The following PHACTR2 variants were observed in gnomAD, a reference collection of about 807,000 sequenced individuals.
PHACTR2 encodes phosphatase and actin regulator 2.
In PHACTR2, 30 loss-of-function variants were observed where a neutral mutation model predicts 76.0. The ratio of observed to expected loss-of-function variants is 0.39; its 90% confidence interval spans 0.30 to 0.54. The LOEUF is 0.54. Among genes scored for constraint, PHACTR2 ranks in the 20% least tolerant of loss-of-function variants. The probability of loss-of-function intolerance (pLI) is 0.61; values close to 1 mark genes in which losing one functional copy is unlikely to be tolerated. For missense variants in PHACTR2, 696 were observed against 781.1 expected (o/e 0.89, Z 1.30); for synonymous variants, 292 against 292.5 (o/e 1.00, Z 0.02).
At chr6:143,705,421 A>G (rs1272575290) in intron 1 of PHACTR2, among the ~76,000 whole-genome samples, 1 of 151,112 alleles carries the variant, frequency 6.6e-6, no homozygotes, top group Non-Finnish European at 1.5e-5. Context: ...CAGCCTCCCG[A>G]GTAGCTGGGA....
At chr6:143,631,828 A>G (rs886354290) in intron 1 of PHACTR2, among the ~76,000 whole-genome samples, 10 of 152,198 alleles carry the variant, frequency 6.6e-5, no homozygotes, top group Non-Finnish European at 1.5e-4. Flanking sequence ...CAAGCAGAGT[A>G]GAAAGAGACA....
rs1393868097 is a variant in PHACTR2, at chr6:143,771,216, A to G, written c.1233-1042A>G. ...TGTGTATATATATATATATATATAT[A>G]TATATATATATATATATATGCTTTT... On this transcript the variant is annotated intron_variant, in intron 6 of 12. Transcript: ENST00000440869. 1.8e-4 allele frequency among the ~76,000 whole-genome samples: 18 copies of G among 97,830 alleles called. 1 individual carries two copies. Among genetic ancestry groups the G allele is most frequent in the African/African-American group, 7.4e-4 (15 of 20,212 alleles). The allele number at this position is 97,830 out of a possible 152,430, so 64.2% of individuals were successfully genotyped here. A position where few individuals can be genotyped will look rare whatever the true frequency, so the allele number is the denominator to read the frequency against.
chr6:143,706,996 C>T (rs1349750472), intron 1 of PHACTR2, among the ~76,000 whole-genome samples: 4 of 152,150 alleles, frequency 2.6e-5, no homozygotes, highest in Admixed American at 6.5e-5. Context: ...AGAAAGAGAC[C>T]TCATGTAAAT....
At chr6:143,719,601 CG>C (rs1486007363) in intron 2 of PHACTR2, among the ~76,000 whole-genome samples, 1 of 149,128 alleles carries the variant, frequency 6.7e-6, no homozygotes, top group African/African-American at 2.5e-5. Context: ...CCACCTGCCT[CG>C]GCCTCCTAAA....
At chr6:143,762,543 A>G (rs896160118) in intron 5 of PHACTR2, among the ~76,000 whole-genome samples, 7 of 152,226 alleles carry the variant, frequency 4.6e-5, no homozygotes, top group Non-Finnish European at 8.8e-5. Context: ...TCAAATATTG[A>G]TAATATCCCT....
At chr6:143,612,320 T>C (rs1260598656) in intron 1 of PHACTR2, among the ~76,000 whole-genome samples, 3 of 152,206 alleles carry the variant, frequency 2.0e-5, no homozygotes, top group Non-Finnish European at 4.4e-5. Flanking sequence ...CGAAGACATT[T>C]CATTTCAAGC....
At chr6:143,724,454 A>C (rs1562283316) in intron 2 of PHACTR2, among the ~76,000 whole-genome samples, 1 of 152,038 alleles carries the variant, frequency 6.6e-6, no homozygotes, top group Non-Finnish European at 1.5e-5. Context: ...TTTTTTCTAG[A>C]AAACATTCAC....
chr6:143,564,388 C>A (rs1233267755), intron 1 of PHACTR2, among the ~76,000 whole-genome samples: 4 of 151,190 alleles, frequency 2.6e-5, no homozygotes, highest in Non-Finnish European at 5.9e-5. Flanking sequence ...ATAATAATGC[C>A]CAAGAGTAAA....
intron 1 of PHACTR2, among the ~76,000 whole-genome samples, chr6:143,632,597 C>A (rs530283563): frequency 6.6e-6 from 1 of 152,200 alleles, no homozygotes; most frequent in Non-Finnish European, 1.5e-5. Context: ...ATTGACTCAT[C>A]ATTATCACCT....
rs572179744 is a variant in PHACTR2 at position 143,541,706 on chromosome 6, G to T, written c.217+4499G>T. ...GTGCTGAGTGGAAGTGAGAAATCTC[G>T]CATACCTCAATGTACTATCAGTTCA... On this transcript the variant is annotated intron_variant, in intron 1 of 11. Transcript: ENST00000367584. This position sits in a 1 kb window ranked among gnomAD's most constrained non-coding sequence, Gnocchi z 5.3. Among the ~76,000 whole-genome samples, 1 of 152,202 alleles carries T rather than the reference G, an allele frequency of 6.6e-6. No individual in the cohort carries two copies. The highest frequency in any genetic ancestry group is 1.9e-4 in the East Asian group (1 of 5,172).
chr6:143,578,220 T>C lies in PHACTR2; in HGVS notation c.217+41013T>C, dbSNP rs2128432680. 6.6e-6 allele frequency among the ~76,000 whole-genome samples: 1 copy of C among 152,268 alleles called. No homozygotes were observed. ...CTGGAGAGGGGTCCCCAGACCTCCA[T>C]CCTCACGGTCCAGGATGGGGAAGTC... On this transcript the variant is annotated intron_variant, in intron 1 of 11. Transcript: ENST00000367584. The surrounding 1 kb of genome is among the most constrained non-coding windows in gnomAD (Gnocchi z 4.5).
In PHACTR2 at chr6:143,652,561, A is replaced by G. The variant is rs1776782323; in HGVS notation, c.13+44239A>G. On this transcript the variant is annotated intron_variant, in intron 1 of 11. Transcript: ENST00000305766. The surrounding 1 kb of genome is among the most constrained non-coding windows in gnomAD (Gnocchi z 4.5). ...TTGTGGATATTTGTGAGTACACTTA[A>G]GTGTTTTTGTTTTCCACTATGCTAG... is the stretch of plus-strand genomic sequence containing the variant. Among the ~76,000 whole-genome samples, 1 of 152,188 alleles carries G rather than the reference A, an allele frequency of 6.6e-6. No individual in the cohort carries two copies. Among genetic ancestry groups the G allele is most frequent in the African/African-American group, 2.4e-5 (1 of 41,444 alleles).
intron 1 of PHACTR2, among the ~76,000 whole-genome samples, chr6:143,657,318 C>T (rs1190366535): frequency 6.6e-6 from 1 of 152,036 alleles, no homozygotes; most frequent in Non-Finnish European, 1.5e-5. Context: ...CAGCCATGCA[C>T]TCCACACCCC....
rs1554232033 is a variant in PHACTR2, at chr6:143,827,188, A to ATATATATATG, written c.*3508_*3509insGTATATATAT. ...TATATATATATATATATATATATAT[A>ATATATATATG]TATATATATATGTATATTATATATA... On this transcript the variant is annotated 3_prime_UTR_variant, in exon 13 of 13. Transcript: ENST00000440869. The ATATATATATG allele has an allele frequency of 1.7e-4, 22 of 130,166 alleles. No homozygotes were observed. The highest frequency in any genetic ancestry group is 4.8e-4 in the South Asian group (2 of 4,196). The allele number at this position is 130,166 out of a possible 1,614,324, so 8.1% of individuals were successfully genotyped here.
Position 143,823,628 on chromosome 6 carries a change from A to G in PHACTR2, c.1923-46A>G. ...CCTTATTCAGCTCACTGCATGCAGA[A>G]TGTGCTCCTAGGCCACAGGCTTATA... On this transcript the variant is annotated intron_variant, in intron 12 of 12. Transcript: ENST00000440869. This position sits in a 1 kb window ranked among gnomAD's most constrained non-coding sequence, Gnocchi z 5.7. 6.4e-7 allele frequency: 1 copy of G among 1,559,728 alleles called. No individual in the cohort carries two copies. The highest frequency in any genetic ancestry group is 8.8e-7 in the Non-Finnish European group (1 of 1,131,588).
intron 2 of PHACTR2, among the ~76,000 whole-genome samples, chr6:143,719,693 G>A (rs929456264): frequency 2.7e-5 from 4 of 150,942 alleles, no homozygotes; most frequent in Non-Finnish European, 5.9e-5. Flanking sequence ...TCATATTGGA[G>A]GAAGAGGAAG....
rs1776811949 is a variant in PHACTR2, at chr6:143,654,392, G to A, written c.13+46070G>A. 6.6e-6 allele frequency among the ~76,000 whole-genome samples: 1 copy of A among 152,196 alleles called. No homozygotes were observed. The highest frequency in any genetic ancestry group is 2.4e-5 in the African/African-American group (1 of 41,458). On this transcript the variant is annotated intron_variant, in intron 1 of 11. Coordinates refer to the PHACTR2 transcript ENST00000305766. The surrounding 1 kb of genome is among the most constrained non-coding windows in gnomAD (Gnocchi z 4.6). ...TATTCACCAGAAACTTGTTTATGAAGTGCAGAGCAGCATTATTCTTAACAG... is the reference window on the plus strand; with the variant it reads ...TATTCACCAGAAACTTGTTTATGAAATGCAGAGCAGCATTATTCTTAACAG...
intron 1 of PHACTR2, among the ~76,000 whole-genome samples, chr6:143,588,721 A>C (rs1483231753): frequency 1.3e-5 from 2 of 152,226 alleles, no homozygotes; most frequent in African/African-American, 4.8e-5. Flanking sequence ...TATCCATGAG[A>C]GAGAAGAAAG....
chr6:143,565,119 C>A (rs1050193622), intron 1 of PHACTR2, among the ~76,000 whole-genome samples: 1 of 152,152 alleles, frequency 6.6e-6, no homozygotes, highest in Admixed American at 6.5e-5. Flanking sequence ...CGAATCCATT[C>A]TCTCATTCTT....
Sources: allele counts gnomAD v4.1 joint callset (sites outside exome capture counted in the v4.1 genomes callset), GRCh38; gene constraint gnomAD v4.1.1; non-coding constraint Gnocchi (gnomAD v3.1); transcripts MANE v1.5; gene names NCBI Gene and HGNC (gene_info 2026-07-23, HGNC 2026-07-21).